The following SCP2 variants were observed in gnomAD, a reference collection of about 807,000 sequenced individuals.
SCP2 encodes SCP-2/3-oxoacyl-CoA thiolase.
SCP2 carries 48 observed loss-of-function variants against 71.4 expected under a neutral mutation model. That is an observed-to-expected ratio of 0.67 (90% CI 0.53 to 0.86). The LOEUF is 0.86. Ranked by LOEUF, SCP2 falls within the 40% of genes least tolerant of loss-of-function variation. The pLI, the probability that SCP2 is intolerant of heterozygous loss-of-function variation, is 0.00. For synonymous variants in SCP2, 220 were observed against 218.1 expected, an observed-to-expected ratio of 1.01 and a Z score of -0.08; for missense variants, 560 against 655.6, an observed-to-expected ratio of 0.85 and a Z score of 1.59.
chr1:52,968,801 C>T (rs1457982372), intron 6 of SCP2, among the ~76,000 whole-genome samples: 1 of 152,142 alleles, frequency 6.6e-6, no homozygotes, highest in African/African-American at 2.4e-5. Flanking sequence ...TCATGTATAA[C>T]TTTTGATTCC....
intron 6 of SCP2, among the ~76,000 whole-genome samples, 180 bp from the exon 7 acceptor site, chr1:52,974,589 C>G (rs926376355): frequency 2.0e-5 from 3 of 151,890 alleles, no homozygotes; most frequent in Admixed American, 2.0e-4. Flanking sequence ...TTAATTAGGC[C>G]CACATTTAAT....
chr1:52,955,841 A>G (rs1655745650), intron 5 of SCP2, among the ~76,000 whole-genome samples: 1 of 152,164 alleles, frequency 6.6e-6, no homozygotes. Flanking sequence ...GTAAAAACTA[A>G]TCTCTGAAGA....
chr1:52,988,716 C>T (rs189685356), intron 11 of SCP2, among the ~76,000 whole-genome samples: 9 of 145,750 alleles, frequency 6.2e-5, no homozygotes, highest in Admixed American at 4.2e-4. Flanking sequence ...GATGGAGTCT[C>T]GCTCTGTTGC....
chr1:52,995,095 T>A (rs895619333), intron 11 of SCP2: 1 of 498,924 alleles, frequency 2.0e-6, no homozygotes, highest in Admixed American at 2.2e-5. Context: ...GCAGGAGGAG[T>A]AAGAGAGCTG....
chr1:53,035,037 G>A (rs767359497), intron 13 of SCP2, among the ~76,000 whole-genome samples: 13 of 151,936 alleles, frequency 8.6e-5, no homozygotes, highest in East Asian at 1.9e-4. Context: ...CCTGGGAGGC[G>A]GAGCTTGCAG....
intron 12 of SCP2, among the ~76,000 whole-genome samples, chr1:53,018,853 A>G (rs1388280727): frequency 6.6e-6 from 1 of 152,186 alleles, no homozygotes; most frequent in African/African-American, 2.4e-5. Flanking sequence ...ATATACTCTA[A>G]ACTTTATTTT....
rs78033003 is a variant in SCP2 at position 52,987,277 on chromosome 1, A to G, written c.974-752A>G. On this transcript the variant is annotated intron_variant, in intron 10 of 15. Transcript: ENST00000371514. Reference sequence around the variant, plus strand: ...TGTGGAACCCATGGATGCTGACTATATATACAGAAAATAATTAGAACAAGA... The same window carrying G: ...TGTGGAACCCATGGATGCTGACTATGTATACAGAAAATAATTAGAACAAGA... Among the ~76,000 whole-genome samples, 950 of 152,232 alleles carry G rather than the reference A, an allele frequency of 6.2e-3. 15 individuals carry two copies. The highest frequency in any genetic ancestry group is 0.022 in the African/African-American group (913 of 41,526).
chr1:52,960,712 A>ATG (rs1232835088), intron 5 of SCP2, among the ~76,000 whole-genome samples: 10 of 136,332 alleles, frequency 7.3e-5, no homozygotes, highest in African/African-American at 2.6e-4. Context: ...TGTATATATT[A>ATG]TGTGCGTGTG....
intron 11 of SCP2, among the ~76,000 whole-genome samples, chr1:52,998,300 G>GTAAC (rs1660072998): frequency 6.6e-6 from 1 of 152,166 alleles, no homozygotes; most frequent in Non-Finnish European, 1.5e-5. Context: ...ATCTATATGA[G>GTAAC]TAACTGTCAA....
In SCP2 at chr1:52,954,792, C is replaced by G. The variant is rs1349080781; in HGVS notation, c.384C>G (p.Ser128Arg). 3 of 1,612,926 alleles carry G rather than the reference C, an allele frequency of 1.9e-6. No homozygotes were observed. The highest frequency in any genetic ancestry group is 1.7e-6 in the Non-Finnish European group (2 of 1,179,148). The part of the protein sequence containing the change: ...ALGFEKMSKG[S>R]LGIKFSDRTI... ...GGTTTGAGAAGATGAGTAAGGGAAGCCTTGGAATAAAAGTGAGTGTTATTT... is the reference window on the plus strand; with the variant it reads ...GGTTTGAGAAGATGAGTAAGGGAAGGCTTGGAATAAAAGTGAGTGTTATTT... Residue 128 changes from serine (S) to arginine (R), a missense_variant, in exon 5 of 16, where the codon AGC becomes AGG. Physicochemically the swap from Ser to Arg is moderately radical, Grantham distance 110 (BLOSUM62 -1). Around this residue, in one of 3 missense-constraint regions of SCP2, gnomAD observed 513 missense variants for 573.1 expected, o/e 0.90. Coordinates refer to ENST00000371514, the MANE Select transcript of SCP2 (RefSeq NM_002979.5).
At chr1:53,039,623 C>G (rs1226981422) in intron 14 of SCP2, among the ~76,000 whole-genome samples, 2 of 152,232 alleles carry the variant, frequency 1.3e-5, no homozygotes, top group Admixed American at 6.5e-5. Context: ...TCCCAGCCCT[C>G]ATGATATTAC....
intron 5 of SCP2, among the ~76,000 whole-genome samples, chr1:52,957,410 GC>G (rs1655925991): frequency 6.6e-6 from 1 of 152,090 alleles, no homozygotes; most frequent in Admixed American, 6.5e-5. Flanking sequence ...CCTTGCCCAT[GC>G]CTCCAGCTAC....
chr1:52,982,527 A>G (rs1420885250), intron 10 of SCP2, among the ~76,000 whole-genome samples: 1 of 152,070 alleles, frequency 6.6e-6, no homozygotes, highest in Non-Finnish European at 1.5e-5. Context: ...CTGATATCAT[A>G]CCACTGCACT....
intron 2 of SCP2, among the ~76,000 whole-genome samples, chr1:52,947,304 C>A (rs998224544): frequency 2.7e-5 from 4 of 147,546 alleles, no homozygotes; most frequent in Non-Finnish European, 6.0e-5. Context: ...CAGGCCTGTT[C>A]CCCATGGACA....
chr1:53,048,738 T>A (rs1474187417), intron 15 of SCP2: 1 of 152,532 alleles, frequency 6.6e-6, no homozygotes, highest in Non-Finnish European at 1.5e-5. Flanking sequence ...CTTGTATAGA[T>A]TTTCCTAGTC....
intron 4 of SCP2, among the ~76,000 whole-genome samples, chr1:52,953,826 CAA>C (rs59323328): frequency 0.05 from 4,843 of 97,558 alleles, 242 homozygotes; most frequent in African/African-American, 0.14. Flanking sequence ...CCATCTTTAC[CAA>C]AAAAAAAAAA....
rs780769171 is a variant in SCP2 at position 52,988,147 on chromosome 1, A to T, written c.1081+11A>T. The T allele has an allele frequency of 2.3e-6, 3 of 1,290,138 alleles. No homozygotes were observed. Among genetic ancestry groups the T allele is most frequent in the Non-Finnish European group, 3.4e-6 (3 of 885,232 alleles). 79.9% of individuals were successfully genotyped at this position (1,290,138 alleles called of 1,614,324 possible). A position where few individuals can be genotyped will look rare whatever the true frequency, so the allele number is the denominator to read the frequency against. Reference sequence around the variant, plus strand: ...CACTAGGCGCTACAGGTAATGCTACATACAGATTTCATACATTTTAAAATC... The same window carrying T: ...CACTAGGCGCTACAGGTAATGCTACTTACAGATTTCATACATTTTAAAATC... On this transcript the variant is annotated intron_variant, in intron 11 of 15. Coordinates refer to ENST00000371514, the MANE Select transcript of SCP2 (RefSeq NM_002979.5).
At position 52,995,650 on chromosome 1, in the gene SCP2, G is replaced by A. The variant is rs1453336964; in HGVS notation, c.1081+7514G>A. 5.1e-5 allele frequency: 34 copies of A among 668,894 alleles called. No individual in the cohort carries two copies. In the East Asian group the frequency reaches 1.0e-3, roughly 20 times the overall value. The allele number at this position is 668,894 out of a possible 1,614,324, so 41.4% of individuals were successfully genotyped here. A position where few individuals can be genotyped will look rare whatever the true frequency, so the allele number is the denominator to read the frequency against. ...CAGCTTATATCTCACCGTGGCTGCT[G>A]TCTTTGTGGATGGATGTCCATGAGC... On this transcript the variant is annotated intron_variant, in intron 11 of 15. Coordinates refer to ENST00000371514, the MANE Select transcript of SCP2 (RefSeq NM_002979.5).
intron 11 of SCP2, chr1:52,993,629 G>A (rs1659705749): frequency 6.2e-7 from 1 of 1,612,234 alleles, no homozygotes; most frequent in African/African-American, 1.3e-5. Context: ...TAGCCGGGCT[G>A]CTCTGTCATC....
Sources: gnomAD v4.1 joint callset for allele counts (sites outside exome capture counted in the v4.1 genomes callset) on GRCh38, gnomAD v4.1.1 for gene constraint, gnomAD v4.1.1 regional missense constraint, MANE v1.5 for transcripts, NCBI Gene and HGNC (gene_info 2026-07-23, HGNC 2026-07-21) for gene names.